The following PCDHA4 variants were observed in gnomAD, a reference collection of about 807,000 sequenced individuals.
PCDHA4 encodes protocadherin alpha 4.
In PCDHA4, 49 loss-of-function variants were observed where a neutral mutation model predicts 61.4. The ratio of observed to expected loss-of-function variants is 0.80; its 90% CI spans 0.63 to 1.01. The LOEUF (loss-of-function observed/expected upper bound fraction) is 1.01. Among genes scored for constraint, PCDHA4 ranks in the 50% least tolerant of loss-of-function variants. The pLI is 0.00. For synonymous variants in PCDHA4, 590 were observed against 550.3 expected, an observed-to-expected ratio of 1.07 and a Z score of -1.01; for missense variants, 1,254 against 1,235.8, an observed-to-expected ratio of 1.01 and a Z score of -0.22.
At chr5:140,840,288 A>G (rs2150305409) in intron 1 of PCDHA4, among the ~76,000 whole-genome samples, 1,565 of 152,122 alleles carry the variant, frequency 0.01, 48 homozygotes, top group African/African-American at 0.036. Flanking sequence ...TTGGGTGATT[A>G]TTGATTAGAT....
intron 3 of PCDHA4, among the ~76,000 whole-genome samples, chr5:140,993,468 A>T (rs1327306188): frequency 7.2e-5 from 5 of 69,412 alleles, no homozygotes; most frequent in Non-Finnish European, 1.2e-4. Flanking sequence ...TTTCTCACAC[A>T]CACACACACA....
chr5:140,993,661 A>G (rs902592339), intron 3 of PCDHA4, among the ~76,000 whole-genome samples: 1 of 152,182 alleles, frequency 6.6e-6, no homozygotes, highest in African/African-American at 2.4e-5. Flanking sequence ...TTGGTTAACA[A>G]TGGACCACAT....
chr5:140,853,985 G>A (rs1007400515), intron 1 of PCDHA4: 2 of 520,646 alleles, frequency 3.8e-6, no homozygotes, highest in East Asian at 1.4e-4. Context: ...CCAATGTAGT[G>A]AGACTCATCT....
At chr5:140,980,149 A>G (rs1287895980) in intron 2 of PCDHA4, among the ~76,000 whole-genome samples, 1 of 152,184 alleles carries the variant, frequency 6.6e-6, no homozygotes, top group East Asian at 1.9e-4. Flanking sequence ...ATTCATGCAT[A>G]TACCAGAATA....
At chr5:140,976,787 C>T (rs1460336492) in intron 1 of PCDHA4, among the ~76,000 whole-genome samples, 3 of 152,150 alleles carry the variant, frequency 2.0e-5, no homozygotes, top group Admixed American at 6.5e-5. Flanking sequence ...TATATAGCTA[C>T]GCTTTTATGA....
rs188500854 is a variant in PCDHA4 at position 140,955,348 on chromosome 5, G to C, written c.2386-23601G>C. ...GTAGTTCCCATAATCCCCACATGTT[G>C]TGAGAGGGACCCAGTGGGAGGTAAT... On this transcript the variant is annotated intron_variant, in intron 1 of 3. Coordinates refer to ENST00000530339, the MANE Select transcript of PCDHA4 (RefSeq NM_018907.4). Among the ~76,000 whole-genome samples the C allele has an allele frequency of 1.6e-4, 24 of 152,204 alleles. No individual in the cohort carries two copies. The East Asian group carries it at 2.7e-3, about 17-fold the overall frequency.
At chr5:141,005,826 A>T (rs1283643370) in intron 3 of PCDHA4, among the ~76,000 whole-genome samples, 4 of 151,340 alleles carry the variant, frequency 2.6e-5, no homozygotes, top group Admixed American at 6.6e-5. Flanking sequence ...GGTGGCCTGT[A>T]GTCCCAGCCA....
chr5:140,842,992 C>A, intron 1 of PCDHA4: 1 of 1,594,970 alleles, frequency 6.3e-7, no homozygotes, highest in Non-Finnish European at 8.6e-7. Flanking sequence ...TCGTGCTGGA[C>A]GAGAATGACA....
At chr5:140,967,051 G>T in intron 1 of PCDHA4, 12 of 1,612,562 alleles carry the variant, frequency 7.4e-6, no homozygotes, top group Non-Finnish European at 9.3e-6. Context: ...TGGACCTGAC[G>T]AGTGGAGCGC....
At chr5:140,818,283 C>T (rs1766323744) in intron 1 of PCDHA4, among the ~76,000 whole-genome samples, 1 of 152,044 alleles carries the variant, frequency 6.6e-6, no homozygotes, top group Non-Finnish European at 1.5e-5. Context: ...TTTCATAATC[C>T]ATGTTTTATT....
At chr5:140,883,272 C>T in intron 1 of PCDHA4, 1 of 1,613,880 alleles carries the variant, frequency 6.2e-7, no homozygotes, top group Non-Finnish European at 8.5e-7. Context: ...GGTCATTGTA[C>T]CCTTTTGGTG....
intron 1 of PCDHA4, among the ~76,000 whole-genome samples, chr5:140,975,119 A>C (rs2096654213): frequency 6.6e-6 from 1 of 152,038 alleles, no homozygotes; most frequent in African/African-American, 2.4e-5. Context: ...CTGTTTTCCT[A>C]CTTACTATTG....
intron 1 of PCDHA4, among the ~76,000 whole-genome samples, chr5:140,892,180 T>C (rs1176959692): frequency 6.6e-6 from 1 of 152,224 alleles, no homozygotes; most frequent in African/African-American, 2.4e-5. Context: ...GGGATCCTCA[T>C]GGGTCTATTC....
chr5:140,971,236 G>A (rs1384010579), intron 1 of PCDHA4, among the ~76,000 whole-genome samples: 2 of 152,088 alleles, frequency 1.3e-5, no homozygotes, highest in East Asian at 3.9e-4. Flanking sequence ...AAAGCTTGGG[G>A]CAATTTGATA....
intron 1 of PCDHA4, among the ~76,000 whole-genome samples, chr5:140,937,875 G>GCATGGCGCCCAGGCGC (rs1467494060): frequency 1.3e-5 from 2 of 150,442 alleles, no homozygotes; most frequent in African/African-American, 4.9e-5. Context: ...TCGCGCCACT[G>GCATGGCGCCCAGGCGC]CACTCCAGCC....
At chr5:140,826,232 CTATT>C (rs1185758799) in intron 1 of PCDHA4, among the ~76,000 whole-genome samples, 2 of 152,152 alleles carry the variant, frequency 1.3e-5, no homozygotes, top group Non-Finnish European at 2.9e-5. Flanking sequence ...GTGATATAAA[CTATT>C]TATATATCTC....
intron 1 of PCDHA4, among the ~76,000 whole-genome samples, chr5:140,949,913 A>G (rs554549969): frequency 9.9e-5 from 15 of 151,452 alleles, no homozygotes; most frequent in Admixed American, 2.6e-4. Context: ...TTTAGATATA[A>G]CTATTTTTAG....
intron 1 of PCDHA4, among the ~76,000 whole-genome samples, chr5:140,889,588 GA>G (rs2062289236): frequency 6.6e-6 from 1 of 151,768 alleles, no homozygotes; most frequent in East Asian, 1.9e-4. Context: ...TTTTTGCTTT[GA>G]AATATTTTTA....
chr5:140,835,795 G>GC, intron 1 of PCDHA4: 1 of 1,613,068 alleles, frequency 6.2e-7, no homozygotes, highest in Admixed American at 1.7e-5. Flanking sequence ...AACCCGCCGG[G>GC]CTGCCACATC....
Sources: gnomAD v4.1 joint callset for allele counts (sites outside exome capture counted in the v4.1 genomes callset) on GRCh38, gnomAD v4.1.1 for gene constraint, MANE v1.5 for transcripts, NCBI Gene and HGNC (gene_info 2026-07-23, HGNC 2026-07-21) for gene names.